The following C7orf33 variants were observed in gnomAD, a reference collection of about 807,000 sequenced individuals.
The protein encoded by C7orf33 is chromosome 7 open reading frame 33.
A neutral mutation model predicts 13.4 loss-of-function variants in C7orf33; 15 were observed. The observed-to-expected ratio is 1.12, with a 90% confidence interval of 0.75 to 1.72. The LOEUF (loss-of-function observed/expected upper bound fraction) is 1.72. C7orf33 is among the 40% of genes most tolerant of loss of function. C7orf33 has a pLI of 0.00. For synonymous variants in C7orf33, 73 were observed against 83.2 expected (o/e 0.88, Z 0.67); for missense variants, 187 against 220.3 (o/e 0.85, Z 0.96).
rs956050460 is a variant in C7orf33, at chr7:148,595,536, G to A, written c.204+4407G>A. 1.6e-4 allele frequency among the ~76,000 whole-genome samples: 21 copies of A among 128,182 alleles called. No homozygotes were observed. In the East Asian group the frequency reaches 4.5e-3, roughly 27 times the overall value. 84.1% of individuals were successfully genotyped at this position (128,182 alleles called of 152,430 possible). ...ATATAGCTATAGTATATATAATATA[G>A]ATCTGTATTATATATAACATATAGC... On this transcript the variant is annotated intron_variant, in intron 1 of 2. Coordinates refer to ENST00000307003, the MANE Select transcript of C7orf33 (RefSeq NM_145304.4).
At chr7:148,597,730 ATTTGTTTTGT>A (rs60207753) in intron 1 of C7orf33, among the ~76,000 whole-genome samples, 1,616 of 148,622 alleles carry the variant, frequency 0.011, 20 homozygotes, top group African/African-American at 0.03. Context: ...CTTCCTCTGC[ATTTGTTTTGT>A]TTTGTTTTGT....
chr7:148,593,773 A>T (rs1325135751), intron 1 of C7orf33, among the ~76,000 whole-genome samples: 1 of 152,152 alleles, frequency 6.6e-6, no homozygotes, highest in Admixed American at 6.6e-5. Flanking sequence ...ACTGGGATTG[A>T]CAGGAAAGGG....
At chr7:148,592,641 A>C (rs572183184) in intron 1 of C7orf33, among the ~76,000 whole-genome samples, 2 of 151,670 alleles carry the variant, frequency 1.3e-5, no homozygotes, top group Non-Finnish European at 1.5e-5. Context: ...CAGCCTCCCA[A>C]GTAGCTGGGA....
intron 1 of C7orf33, among the ~76,000 whole-genome samples, chr7:148,612,655 T>C (rs1796557417): frequency 6.6e-6 from 1 of 152,182 alleles, no homozygotes; most frequent in Non-Finnish European, 1.5e-5. Context: ...TCATTAGCCA[T>C]TTGAGATATG....
intron 1 of C7orf33, among the ~76,000 whole-genome samples, chr7:148,600,215 T>A (rs1017787992): frequency 2.0e-5 from 3 of 152,126 alleles, no homozygotes; most frequent in Admixed American, 2.0e-4. Flanking sequence ...ACGCCTGTAA[T>A]CCCAGCAATT....
chr7:148,598,695 T>C (rs1796371220), intron 1 of C7orf33, among the ~76,000 whole-genome samples: 1 of 140,332 alleles, frequency 7.1e-6, no homozygotes, highest in African/African-American at 2.6e-5. Context: ...CCTATATATA[T>C]GTATATATAT....
intron 1 of C7orf33, among the ~76,000 whole-genome samples, chr7:148,594,431 C>T (rs1372046875): frequency 6.6e-6 from 1 of 152,140 alleles, no homozygotes; most frequent in Non-Finnish European, 1.5e-5. Context: ...CCGCCTCGGC[C>T]TCCCAAAGTG....
chr7:148,604,099 A>G (rs572657138), intron 1 of C7orf33, among the ~76,000 whole-genome samples: 10 of 151,352 alleles, frequency 6.6e-5, no homozygotes, highest in South Asian at 4.2e-4. Context: ...AGCAACCTGG[A>G]TGGAATTAGG....
At chr7:148,594,911 C>T (rs565170012) in intron 1 of C7orf33, among the ~76,000 whole-genome samples, 1 of 152,166 alleles carries the variant, frequency 6.6e-6, no homozygotes, top group African/African-American at 2.4e-5. Flanking sequence ...CCTGCACTCC[C>T]AGCCGCTCCT....
chr7:148,591,912 G>T (rs1796275756), intron 1 of C7orf33, among the ~76,000 whole-genome samples: 1 of 152,208 alleles, frequency 6.6e-6, no homozygotes, highest in Non-Finnish European at 1.5e-5. Flanking sequence ...GACACCTCCT[G>T]ATCCCCAAGC....
intron 1 of C7orf33, among the ~76,000 whole-genome samples, chr7:148,597,535 GC>G (rs1796353731): frequency 6.6e-6 from 1 of 151,984 alleles, no homozygotes. Context: ...ACCCACCTTG[GC>G]CTCCCAAAGT....
At chr7:148,600,799 C>CTTTTTTTTT (rs11373798) in intron 1 of C7orf33, among the ~76,000 whole-genome samples, 3 of 103,720 alleles carry the variant, frequency 2.9e-5, no homozygotes, top group South Asian at 3.6e-4. Flanking sequence ...TTATGGACTT[C>CTTTTTTTTT]TTTTTTTTTT....
chr7:148,609,985 C>G (rs983083380), intron 1 of C7orf33, among the ~76,000 whole-genome samples: 11 of 152,190 alleles, frequency 7.2e-5, no homozygotes, highest in Admixed American at 6.5e-4. Flanking sequence ...TCAATAATGC[C>G]TGATCCCAAA....
intron 1 of C7orf33, among the ~76,000 whole-genome samples, chr7:148,610,560 C>A (rs73463414): frequency 0.035 from 5,332 of 152,160 alleles, 318 homozygotes; most frequent in African/African-American, 0.12. Context: ...TTAATAAACT[C>A]CCCTTCATAT....
chr7:148,609,329 G>A (rs1272204719), intron 1 of C7orf33, among the ~76,000 whole-genome samples: 1 of 152,178 alleles, frequency 6.6e-6, no homozygotes, highest in Non-Finnish European at 1.5e-5. Flanking sequence ...TTATATTTTG[G>A]CTCTTATATC....
chr7:148,602,248 C>A (rs562099229), intron 1 of C7orf33, among the ~76,000 whole-genome samples: 1 of 152,024 alleles, frequency 6.6e-6, no homozygotes, highest in East Asian at 1.9e-4. Flanking sequence ...GCATCTACAG[C>A]AACCATTATA....
Position 148,614,310 on chromosome 7 carries a change from T to C in C7orf33, c.459+14T>C. 2 of 1,612,284 alleles carry C rather than the reference T, an allele frequency of 1.2e-6. No individual in the cohort carries two copies. Among genetic ancestry groups the C allele is most frequent in the African/African-American group, 1.3e-5 (1 of 75,012 alleles). Reference sequence around the variant, plus strand: ...TCATACCTAAACGTAAGCTCCGAAGTGTCTTAGCACCTCCAAGTTTAAGGA... The same window carrying C: ...TCATACCTAAACGTAAGCTCCGAAGCGTCTTAGCACCTCCAAGTTTAAGGA... On this transcript the variant is annotated intron_variant, in intron 2 of 2. Transcript: ENST00000307003.
At chr7:148,604,882 A>C in intron 1 of C7orf33, among the ~76,000 whole-genome samples, 2 of 152,360 alleles carry the variant, frequency 1.3e-5, no homozygotes, top group Admixed American at 1.3e-4. Context: ...TGAATTAAAT[A>C]TAATTAAACT....
intron 1 of C7orf33, among the ~76,000 whole-genome samples, chr7:148,592,554 G>A (rs1455338504): frequency 2.0e-5 from 3 of 149,050 alleles, no homozygotes; most frequent in Admixed American, 6.7e-5. Context: ...TAGCTCTGTC[G>A]CCCAGGCTGG....
Sources: allele counts gnomAD v4.1 joint callset (sites outside exome capture counted in the v4.1 genomes callset), GRCh38; gene constraint gnomAD v4.1.1; transcripts MANE v1.5; gene names NCBI Gene and HGNC (gene_info 2026-07-23, HGNC 2026-07-21).